The following BRINP2 variants were observed in gnomAD, a reference collection of about 807,000 sequenced individuals.
BRINP2 encodes the protein BMP/retinoic acid-inducible neural-specific protein 2.
In BRINP2, 21 loss-of-function variants were observed where a neutral mutation model predicts 69.2. The ratio of observed to expected loss-of-function variants is 0.30; its 90% CI spans 0.22 to 0.44. The LOEUF (loss-of-function observed/expected upper bound fraction) is 0.44, where lower values mean the gene tolerates loss of function less well. Ranked by LOEUF, BRINP2 falls within the 20% of genes least tolerant of loss-of-function variation. The probability of loss-of-function intolerance (pLI) is 1.00; values close to 1 mark genes in which losing one functional copy is unlikely to be tolerated. For synonymous variants in BRINP2, 380 were observed against 394.1 expected (o/e 0.96, Z 0.42); for missense variants, 877 against 986.0 (o/e 0.89, Z 1.48).
chr1:177,243,406 A>T (rs1650267147), intron 2 of BRINP2, among the ~76,000 whole-genome samples: 1 of 152,156 alleles, frequency 6.6e-6, no homozygotes, highest in Non-Finnish European at 1.5e-5. Context: ...ACACACCAAG[A>T]TCCCACAGCA....
chr1:177,273,368 C>T, intron 4 of BRINP2, 120 bp from the exon 5 acceptor site: 2 of 563,782 alleles, frequency 3.5e-6, no homozygotes. Flanking sequence ...AGGGACGTAT[C>T]ACTTCTACAG....
intron 4 of BRINP2, among the ~76,000 whole-genome samples, chr1:177,260,809 G>A (rs1258156003): frequency 6.6e-6 from 1 of 152,196 alleles, no homozygotes; most frequent in Non-Finnish European, 1.5e-5. Context: ...ACAGTATAGT[G>A]TAAACATAAC....
At chr1:177,260,343 T>G (rs940799672) in intron 4 of BRINP2, among the ~76,000 whole-genome samples, 4 of 152,226 alleles carry the variant, frequency 2.6e-5, no homozygotes, top group Non-Finnish European at 5.9e-5. Flanking sequence ...AGTGGTTTCT[T>G]GAGAGGGAAT....
chr1:177,228,911 G>A (rs1474027815), intron 1 of BRINP2, among the ~76,000 whole-genome samples: 4 of 152,138 alleles, frequency 2.6e-5, no homozygotes, highest in South Asian at 2.1e-4. Flanking sequence ...GGCATCTTCC[G>A]TCTAACTCAG....
chr1:177,208,617 A>AT (rs112121433), intron 1 of BRINP2, among the ~76,000 whole-genome samples: 1,566 of 150,190 alleles, frequency 0.01, 26 homozygotes, highest in African/African-American at 0.035. Context: ...ATAGCCACAG[A>AT]TTTTTTTTTT....
rs1035141169 is a variant in BRINP2, at chr1:177,171,174, G to A, written c.-635G>A. Among the ~76,000 whole-genome samples the A allele has an allele frequency of 8.5e-5, 13 of 152,230 alleles. No homozygotes were observed. The South Asian group carries it at 1.7e-3, about 19-fold the overall frequency. ...GTGGCAGGTCTGCAGGCAGCCGAGGGAGCGGTGAAGCCGGAAGACCTGTCT... is the reference window on the plus strand; with the variant it reads ...GTGGCAGGTCTGCAGGCAGCCGAGGAAGCGGTGAAGCCGGAAGACCTGTCT... On this transcript the variant is annotated 5_prime_UTR_variant, in exon 1 of 8. Coordinates refer to ENST00000361539, the MANE Select transcript of BRINP2 (RefSeq NM_021165.4).
intron 6 of BRINP2, among the ~76,000 whole-genome samples, chr1:177,277,169 T>TATA (rs1651527332): frequency 6.7e-6 from 1 of 148,178 alleles, no homozygotes; most frequent in African/African-American, 2.6e-5. Context: ...ATATATATAT[T>TATA]TATATAATGT....
Position 177,281,021 on chromosome 1 carries a change from G to A in BRINP2, c.1845G>A (p.Arg615=). The A allele has an allele frequency of 4.3e-6, 7 of 1,614,194 alleles. No individual in the cohort carries two copies. Among genetic ancestry groups the A allele is most frequent in the Non-Finnish European group, 5.9e-6 (7 of 1,180,038 alleles). The change falls in exon 8 of 8, where the codon AGG becomes AGA. Residue 615 remains arginine (R), a synonymous_variant. Transcript: ENST00000361539. The stretch of plus-strand genomic sequence containing the variant: ...AGGGCAGCTTTCCTGACTGGGAAAG[G>A]ACTAACGTGGATGCAGCTGCCCAGT... ...VNEGSFPDWE[R]TNVDAAAQCQ...
intron 1 of BRINP2, among the ~76,000 whole-genome samples, chr1:177,185,902 A>G (rs566371409): frequency 5.3e-5 from 8 of 152,360 alleles, no homozygotes; most frequent in Non-Finnish European, 1.2e-4. Context: ...TTCAGGAGCT[A>G]TGCTGTCCCA....
chr1:177,194,015 C>T (rs1211439428), intron 1 of BRINP2, among the ~76,000 whole-genome samples: 2 of 152,062 alleles, frequency 1.3e-5, no homozygotes, highest in East Asian at 3.9e-4. Flanking sequence ...AATCCATGGC[C>T]CTGAACTTTT....
At chr1:177,202,613 T>C (rs1648948270) in intron 1 of BRINP2, among the ~76,000 whole-genome samples, 1 of 152,246 alleles carries the variant, frequency 6.6e-6, no homozygotes, top group Non-Finnish European at 1.5e-5. Context: ...AAGAGTGTTT[T>C]ACTTCCAACT....
At chr1:177,213,759 G>C (rs1447338424) in intron 1 of BRINP2, among the ~76,000 whole-genome samples, 1 of 152,126 alleles carries the variant, frequency 6.6e-6, no homozygotes, top group East Asian at 1.9e-4. Flanking sequence ...TTTTCACACA[G>C]CTTTCTTTCA....
chr1:177,272,786 A>G (rs1039442953), intron 4 of BRINP2, among the ~76,000 whole-genome samples: 1 of 152,280 alleles, frequency 6.6e-6, no homozygotes, highest in Non-Finnish European at 1.5e-5. Context: ...TTCTTATTAC[A>G]TAATTATTTT....
At chr1:177,272,106 C>A (rs113704742) in intron 4 of BRINP2, among the ~76,000 whole-genome samples, 40 of 152,306 alleles carry the variant, frequency 2.6e-4, no homozygotes, top group African/African-American at 7.7e-4. Flanking sequence ...GTCCCTTCTC[C>A]TTTTCCTTGT....
At chr1:177,192,813 C>T (rs1648630178) in intron 1 of BRINP2, among the ~76,000 whole-genome samples, 1 of 152,148 alleles carries the variant, frequency 6.6e-6, no homozygotes, top group African/African-American at 2.4e-5. Context: ...TCCTGCTCTG[C>T]CAATATGCAG....
chr1:177,281,247 C>T lies in BRINP2; in HGVS notation c.2071C>T (p.Pro691Ser), dbSNP rs776566323. The change falls in exon 8 of 8, where the codon CCC (proline) becomes TCC (serine). Residue 691 changes from proline (P) to serine (S), a missense_variant. Coordinates refer to ENST00000361539, the MANE Select transcript of BRINP2 (RefSeq NM_021165.4). ...NTLQVFGYSL[P>S]FDPDAIRDLI... ...CTTGCAGGTCTTTGGCTACAGCCTG[C>T]CCTTTGACCCAGATGCTATCCGGGA... 2 of 1,614,158 alleles carry T rather than the reference C, an allele frequency of 1.2e-6. No individual in the cohort carries two copies. The highest frequency in any genetic ancestry group is 3.3e-5 in the Admixed American group (2 of 60,024).
Position 177,174,608 on chromosome 1 carries a change from G to C in BRINP2, c.-77+2876G>C, listed in dbSNP as rs977361508. Among the ~76,000 whole-genome samples the C allele has an allele frequency of 2.0e-5, 3 of 152,148 alleles. No homozygotes were observed. In the East Asian group the frequency reaches 5.8e-4, roughly 29 times the overall value. On this transcript the variant is annotated intron_variant, in intron 1 of 7. Coordinates refer to ENST00000361539, the MANE Select transcript of BRINP2 (RefSeq NM_021165.4). ...ATTTGAGTTGAGCCATGAGGGATGC[G>C]GTGGGATTTGTTTGGATAGAAAGAA...
chr1:177,277,623 C>T (rs1301298867), intron 6 of BRINP2, among the ~76,000 whole-genome samples: 1 of 151,338 alleles, frequency 6.6e-6, no homozygotes, highest in Non-Finnish European at 1.5e-5. Context: ...GAGCTGAGGC[C>T]CCAGGGGTTG....
At chr1:177,266,276 G>A (rs2102354557) in intron 4 of BRINP2, among the ~76,000 whole-genome samples, 1 of 152,056 alleles carries the variant, frequency 6.6e-6, no homozygotes, top group South Asian at 2.1e-4. Flanking sequence ...ACTTTTCTCA[G>A]CCCCCTTACT....
Sources: allele counts gnomAD v4.1 joint callset (sites outside exome capture counted in the v4.1 genomes callset), GRCh38; gene constraint gnomAD v4.1.1; transcripts MANE v1.5; gene names NCBI Gene and HGNC (gene_info 2026-07-23, HGNC 2026-07-21).